Variants in ABL2 observed in about 807,000 individuals in gnomAD.
ABL2 encodes ABL proto-oncogene 2, non-receptor tyrosine kinase, also known as tyrosine-protein kinase ABL2.
Under a neutral mutation model 107.7 loss-of-function variants are expected in ABL2, and 49 were observed. The observed-to-expected ratio is 0.45, with a 90% CI of 0.36 to 0.58. The LOEUF (loss-of-function observed/expected upper bound fraction) is 0.58. Among genes scored for constraint, ABL2 ranks in the 20% least tolerant of loss-of-function variants. ABL2 has a pLI of 0.00. For missense variants in ABL2, 1,245 were observed against 1,457.0 expected, an observed-to-expected ratio of 0.85 and a Z score of 2.37; for synonymous variants, 549 against 548.6, an observed-to-expected ratio of 1.00 and a Z score of -0.01.
At chr1:179,150,210 C>G (rs1218263810) in intron 1 of ABL2, among the ~76,000 whole-genome samples, 1 of 152,178 alleles carries the variant, frequency 6.6e-6, no homozygotes, top group African/African-American at 2.4e-5. Flanking sequence ...CCAGCCTGGG[C>G]AGCAAAGCAA....
chr1:179,136,311 G>A (rs1402402240), intron 1 of ABL2, among the ~76,000 whole-genome samples: 5 of 151,740 alleles, frequency 3.3e-5, no homozygotes, highest in Non-Finnish European at 7.4e-5. Flanking sequence ...GATGGTTGCC[G>A]TGTCTGTGTA....
chr1:179,102,941 T>C lies in ABL2; in HGVS notation c.*4777A>G. The C allele has an allele frequency of 8.9e-6, 2 of 225,636 alleles. No homozygotes were observed. Among genetic ancestry groups the C allele is most frequent in the East Asian group, 6.4e-5 (1 of 15,644 alleles). 14.0% of individuals were successfully genotyped at this position (225,636 alleles called of 1,614,324 possible). Reference sequence around the variant, plus strand: ...TGCACTGGTTTTATGGCCATCCACCTCCCCCTGTAAACCTAACAAAACTAT... The same window carrying C: ...TGCACTGGTTTTATGGCCATCCACCCCCCCCTGTAAACCTAACAAAACTAT... On this transcript the variant is annotated 3_prime_UTR_variant, in exon 12 of 12. Transcript: ENST00000502732.
chr1:179,105,380 G>A lies in ABL2; in HGVS notation c.*2338C>T, dbSNP rs910088447. The A allele has an allele frequency of 8.6e-6, 2 of 231,604 alleles. No homozygotes were observed. Among genetic ancestry groups the A allele is most frequent in the Non-Finnish European group, 1.7e-5 (2 of 117,016 alleles). 14.3% of individuals were successfully genotyped at this position (231,604 alleles called of 1,614,324 possible). ...CCTTAACTTGCATCCCACAACAACA[G>A]GGATAAACCTAAAAAGCAGCATAAT... On this transcript the variant is annotated 3_prime_UTR_variant, in exon 12 of 12. Coordinates refer to ENST00000502732, the MANE Select transcript of ABL2 (RefSeq NM_007314.4).
chr1:179,156,892 A>G (rs1315260545), intron 1 of ABL2, among the ~76,000 whole-genome samples: 1 of 73,844 alleles, frequency 1.4e-5, no homozygotes, highest in Non-Finnish European at 3.4e-5. Context: ...AAAATAAATA[A>G]ATAAATAAAT....
Position 179,126,770 on chromosome 1 carries a change from AAAG to A in ABL2, c.392-101_392-99del, listed in dbSNP as rs1304083879. Reference sequence around the variant, plus strand: ...AAACTTTAAACTCATTAAAAAAAAAAAAGAATCTAGAACTTTTATGCCAAATTT... The same window carrying A: ...AAACTTTAAACTCATTAAAAAAAAAAAATCTAGAACTTTTATGCCAAATTT... On this transcript the variant is annotated intron_variant, in intron 3 of 11. Coordinates refer to ENST00000502732, the MANE Select transcript of ABL2 (RefSeq NM_007314.4). This position sits in a 1 kb window ranked among gnomAD's most constrained non-coding sequence, Gnocchi z 4.4. 2.1e-5 allele frequency: 26 copies of A among 1,263,222 alleles called. No individual in the cohort carries two copies. The Middle Eastern group carries it at 7.8e-4, about 38-fold the overall frequency. The allele number at this position is 1,263,222 out of a possible 1,614,324, so 78.3% of individuals were successfully genotyped here. A position where few individuals can be genotyped will look rare whatever the true frequency, so the allele number is the denominator to read the frequency against.
At chr1:179,201,873 C>A in intron 1 of ABL2, 1 of 1,344,356 alleles carries the variant, frequency 7.4e-7, no homozygotes, top group South Asian at 1.6e-5. Context: ...CATCAAGACC[C>A]TCTACAACAC....
In ABL2 at chr1:179,107,021, A is replaced by C. The variant is rs1653512619; in HGVS notation, c.*697T>G. 4.4e-6 allele frequency: 1 copy of C among 229,678 alleles called. No homozygotes were observed. The highest frequency in any genetic ancestry group is 8.6e-6 in the Non-Finnish European group (1 of 115,940). The allele number at this position is 229,678 out of a possible 1,614,324, so 14.2% of individuals were successfully genotyped here. On this transcript the variant is annotated 3_prime_UTR_variant, in exon 12 of 12. Transcript: ENST00000502732. ...ATAATATACCAGACTGGGAGAAGTG[A>C]CTTCTGCTAATCTGTGTAAGATTTT...
In ABL2 at chr1:179,114,992, T is replaced by G. The variant is rs1203978571; in HGVS notation, c.1447A>C (p.Met483Leu). Residue 483 changes from methionine to leucine, a missense_variant, in exon 9 of 12, where the codon ATG becomes CTG. Coordinates refer to ENST00000502732, the MANE Select transcript of ABL2 (RefSeq NM_007314.4). The stretch of plus-strand genomic sequence containing the variant: ...AGGTCAATACCTGGATATGGTGACA[T>G]TCCATAGGTAGCAATTTCCCACAAC... ...VLLWEIATYG[M>L]SPYPGIDLSQ... The G allele has an allele frequency of 1.2e-6, 2 of 1,608,800 alleles. No individual in the cohort carries two copies. Among genetic ancestry groups the G allele is most frequent in the Non-Finnish European group, 1.7e-6 (2 of 1,178,108 alleles).
intron 1 of ABL2, among the ~76,000 whole-genome samples, chr1:179,214,519 C>CATATATATATATAT (rs59744061): frequency 0.01 from 1,234 of 121,962 alleles, 15 homozygotes; most frequent in Non-Finnish European, 0.014. Context: ...TTTAAAATGA[C>CATATATATATATAT]ATATATATAT....
chr1:179,153,835 T>C (rs1375890783), intron 1 of ABL2, among the ~76,000 whole-genome samples: 1 of 152,172 alleles, frequency 6.6e-6, no homozygotes, highest in Admixed American at 6.6e-5. Context: ...CTGATTCCTA[T>C]AGCCTATGGA....
intron 11 of ABL2, 137 bp downstream of exon 11, chr1:179,110,145 C>A: frequency 3.9e-6 from 4 of 1,036,600 alleles, no homozygotes; most frequent in Non-Finnish European, 5.8e-6. Context: ...TAGCCAAGGG[C>A]TTCATGGGTG....
intron 1 of ABL2, among the ~76,000 whole-genome samples, chr1:179,152,737 A>G (rs1337200165): frequency 6.6e-6 from 1 of 152,242 alleles, no homozygotes; most frequent in Non-Finnish European, 1.5e-5. Flanking sequence ...CTGATCTATA[A>G]GACTTCTCAT....
At position 179,229,646 on chromosome 1, in the gene ABL2, G is replaced by GCCGCCA. The variant is rs1663453017; in HGVS notation, c.-250_-249insTGGCGG. On this transcript the variant is annotated 5_prime_UTR_variant, in exon 1 of 12. Transcript: ENST00000502732. ...CCGCGCCCCCAACGCCGCCGCCGCC[G>GCCGCCA]CCGCCGCCACCGCCGCCGCCATCTT... is the stretch of plus-strand genomic sequence containing the variant. 6.1e-6 allele frequency: 3 copies of GCCGCCA among 495,856 alleles called. No individual in the cohort carries two copies. Among genetic ancestry groups the GCCGCCA allele is most frequent in the East Asian group, 3.7e-5 (1 of 26,884 alleles). The allele number at this position is 495,856 out of a possible 1,614,324, so 30.7% of individuals were successfully genotyped here.
At chr1:179,177,195 T>G (rs1229985054) in intron 1 of ABL2, among the ~76,000 whole-genome samples, 1 of 151,652 alleles carries the variant, frequency 6.6e-6, no homozygotes, top group Non-Finnish European at 1.5e-5. Context: ...GAACAGGGAT[T>G]AAAAACAATG....
chr1:179,142,789 TCCC>T (rs1384854922), intron 1 of ABL2: 20 of 848,062 alleles, frequency 2.4e-5, no homozygotes, highest in Non-Finnish European at 3.6e-5. Flanking sequence ...TATGAGATAT[TCCC>T]CCAAGAAAGC....
chr1:179,151,877 T>A (rs1441845635), intron 1 of ABL2, among the ~76,000 whole-genome samples: 1 of 152,222 alleles, frequency 6.6e-6, no homozygotes, highest in Non-Finnish European at 1.5e-5. Context: ...TGAAAATGCA[T>A]GCTCTATACC....
At chr1:179,193,961 C>T (rs979996170) in intron 1 of ABL2, among the ~76,000 whole-genome samples, 4 of 152,004 alleles carry the variant, frequency 2.6e-5, no homozygotes, top group African/African-American at 9.7e-5. Flanking sequence ...TGGTCTCGAT[C>T]CTGGCCAAAT....
rs189692933 is a variant in ABL2, at chr1:179,103,740, C to A, written c.*3978G>T. The A allele has an allele frequency of 4.4e-6, 1 of 228,964 alleles. No individual in the cohort carries two copies. Among genetic ancestry groups the A allele is most frequent in the Non-Finnish European group, 8.7e-6 (1 of 115,038 alleles). The allele number at this position is 228,964 out of a possible 1,614,324, so 14.2% of individuals were successfully genotyped here. ...CACACAGGCTGATTGTCGGTCTGAG[C>A]CACTTTTTTGCAGTGTCTCACATGG... On this transcript the variant is annotated 3_prime_UTR_variant, in exon 12 of 12. Transcript: ENST00000502732.
intron 1 of ABL2, among the ~76,000 whole-genome samples, chr1:179,166,985 A>G (rs1659425542): frequency 6.6e-6 from 1 of 152,088 alleles, no homozygotes; most frequent in Non-Finnish European, 1.5e-5. Flanking sequence ...ACTATGAAAA[A>G]CAGTTGGAGA....
Sources: gnomAD v4.1 joint callset for allele counts (sites outside exome capture counted in the v4.1 genomes callset) on GRCh38, gnomAD v4.1.1 for gene constraint, Gnocchi (gnomAD v3.1) non-coding constraint, MANE v1.5 for transcripts, NCBI Gene and HGNC (gene_info 2026-07-23, HGNC 2026-07-21) for gene names.